The following TRAK1 variants were observed in gnomAD, a reference collection of about 807,000 sequenced individuals.
TRAK1 encodes trafficking kinesin-binding protein 1.
A neutral mutation model predicts 92.1 loss-of-function variants in TRAK1; 33 were observed. The observed-to-expected ratio is 0.36, with a 90% CI of 0.27 to 0.48. The LOEUF (loss-of-function observed/expected upper bound fraction) is 0.48, where lower values mean the gene tolerates loss of function less well. Among genes scored for constraint, TRAK1 ranks in the 20% least tolerant of loss-of-function variants. The pLI is 0.99. For missense variants in TRAK1, 1,123 were observed against 1,257.9 expected (o/e 0.89, Z 1.62); for synonymous variants, 521 against 517.3 (o/e 1.01, Z -0.10).
At chr3:42,030,880 A>G (rs1017820909) in intron 1 of TRAK1, among the ~76,000 whole-genome samples, 1 of 151,638 alleles carries the variant, frequency 6.6e-6, no homozygotes, top group African/African-American at 2.4e-5. Context: ...TTTGTAGCTG[A>G]GAGATTACTT....
At chr3:42,042,392 G>C (rs559243191) in intron 1 of TRAK1, among the ~76,000 whole-genome samples, 119 of 152,016 alleles carry the variant, frequency 7.8e-4, no homozygotes, top group Non-Finnish European at 1.5e-3. Context: ...ATTGTCTTGA[G>C]ACAGGGTCTC....
At chr3:42,070,204 C>T (rs1324771850) in intron 1 of TRAK1, among the ~76,000 whole-genome samples, 1 of 148,790 alleles carries the variant, frequency 6.7e-6, no homozygotes, top group African/African-American at 2.5e-5. Context: ...TTACCTGCAC[C>T]CTTGTCAGCA....
chr3:42,203,978 A>T, intron 13 of TRAK1: 1 of 985,864 alleles, frequency 1.0e-6, no homozygotes, highest in East Asian at 1.1e-4. Flanking sequence ...AAGACCCAAG[A>T]CATGACTGGG....
At chr3:42,103,110 G>A (rs1407671191) in intron 1 of TRAK1, among the ~76,000 whole-genome samples, 2 of 152,142 alleles carry the variant, frequency 1.3e-5, no homozygotes, top group Non-Finnish European at 1.5e-5. Flanking sequence ...CCCCCGAAAA[G>A]CTCCTTTCCC....
chr3:42,083,548 T>C (rs1265189889), upstream of TRAK1, among the ~76,000 whole-genome samples: 2 of 152,202 alleles, frequency 1.3e-5, no homozygotes. Context: ...TAATTGGGTA[T>C]AGAAGTCTTA....
chr3:42,208,014 G>A (rs1034494238), intron 13 of TRAK1, among the ~76,000 whole-genome samples: 9 of 152,174 alleles, frequency 5.9e-5, no homozygotes, highest in Non-Finnish European at 8.8e-5. Context: ...ACAACCAAAC[G>A]TGTCTCCAGA....
At chr3:42,081,311 A>G (rs539802234) in intron 1 of TRAK1, among the ~76,000 whole-genome samples, 1 of 152,250 alleles carries the variant, frequency 6.6e-6, no homozygotes, top group Non-Finnish European at 1.5e-5. Flanking sequence ...GTTTTCATTG[A>G]TTTCTGTTAG....
chr3:42,109,302 C>T (rs916007255), intron 1 of TRAK1, among the ~76,000 whole-genome samples: 1 of 152,208 alleles, frequency 6.6e-6, no homozygotes, highest in Non-Finnish European at 1.5e-5. Flanking sequence ...CCCTGCATAA[C>T]TCCATCAAAC....
At chr3:42,170,200 G>A (rs1338189724) in intron 2 of TRAK1, among the ~76,000 whole-genome samples, 1 of 152,096 alleles carries the variant, frequency 6.6e-6, no homozygotes, top group Non-Finnish European at 1.5e-5. Context: ...AGCAGAGCAG[G>A]GACTAATTAA....
At chr3:42,025,774 C>T (rs909443725) in intron 1 of TRAK1, among the ~76,000 whole-genome samples, 2 of 152,168 alleles carry the variant, frequency 1.3e-5, no homozygotes, top group African/African-American at 2.4e-5. Flanking sequence ...GGGTGGTGAG[C>T]TCATTAGGCT....
At chr3:42,085,050 G>T (rs1033326416), upstream of TRAK1, among the ~76,000 whole-genome samples, 1 of 151,938 alleles carries the variant, frequency 6.6e-6, no homozygotes, top group Non-Finnish European at 1.5e-5. Context: ...GAAACTTTTC[G>T]AGTGTTTACA....
At chr3:42,039,871 C>T (rs1163345265) in intron 1 of TRAK1, among the ~76,000 whole-genome samples, 1 of 152,152 alleles carries the variant, frequency 6.6e-6, no homozygotes, top group African/African-American at 2.4e-5. Context: ...CTCCCTAGAT[C>T]CTTGCCAAAA....
chr3:42,068,546 T>G (rs1325921592), intron 1 of TRAK1, among the ~76,000 whole-genome samples: 1 of 152,214 alleles, frequency 6.6e-6, no homozygotes, highest in Non-Finnish European at 1.5e-5. Flanking sequence ...AAGTTCATTT[T>G]GCACTCTTTG....
intron 7 of TRAK1, 117 bp downstream of exon 7, chr3:42,191,753 T>G: frequency 8.8e-7 from 1 of 1,133,830 alleles, no homozygotes; most frequent in East Asian, 2.7e-5. Context: ...AGCAGCATTT[T>G]TCTTAAAACT....
intron 1 of TRAK1, among the ~76,000 whole-genome samples, chr3:42,063,396 A>G (rs1289781534): frequency 6.6e-6 from 1 of 152,144 alleles, no homozygotes; most frequent in African/African-American, 2.4e-5. Context: ...GCTCTTTTGT[A>G]AAGGTGGGGC....
intron 2 of TRAK1, among the ~76,000 whole-genome samples, chr3:42,173,266 GA>G (rs761338514): frequency 1.2e-4 from 18 of 152,212 alleles, no homozygotes; most frequent in Non-Finnish European, 2.5e-4. Flanking sequence ...CCTTGGGTCA[GA>G]AATGGAACTT....
intron 1 of TRAK1, among the ~76,000 whole-genome samples, chr3:42,072,025 TACA>T (rs1482255350): frequency 1.3e-5 from 2 of 152,210 alleles, no homozygotes; most frequent in African/African-American, 4.8e-5. Context: ...GATTGGACGT[TACA>T]GTGGGGCATG....
At chr3:42,090,210 C>T (rs987693297), upstream of TRAK1, among the ~76,000 whole-genome samples, 7 of 152,180 alleles carry the variant, frequency 4.6e-5, no homozygotes, top group African/African-American at 1.2e-4. Context: ...GAGAAGACCA[C>T]GAGGGCTTTG....
chr3:42,213,251 T>C (rs965136175), intron 14 of TRAK1, among the ~76,000 whole-genome samples: 9 of 152,098 alleles, frequency 5.9e-5, no homozygotes, highest in Non-Finnish European at 1.3e-4. Context: ...GAGACAGGCT[T>C]TCACCCTGTT....
Sources: gnomAD v4.1 joint callset for allele counts (sites outside exome capture counted in the v4.1 genomes callset) on GRCh38, gnomAD v4.1.1 for gene constraint, MANE v1.5 for transcripts, NCBI Gene and HGNC (gene_info 2026-07-23, HGNC 2026-07-21) for gene names.